The following TNNI3K variants were observed in gnomAD, a reference collection of about 807,000 sequenced individuals.
The protein encoded by TNNI3K is serine/threonine-protein kinase TNNI3K.
Under a neutral mutation model 114.5 loss-of-function variants are expected in TNNI3K, and 140 were observed. The ratio of observed to expected loss-of-function variants is 1.22; its 90% CI spans 1.07 to 1.41. TNNI3K has a LOEUF of 1.41. Among genes scored for constraint, TNNI3K ranks in the 40% most tolerant of loss-of-function variants. TNNI3K has a pLI of 0.00. For synonymous variants in TNNI3K, 347 were observed against 347.5 expected, an observed-to-expected ratio of 1.00 and a Z score of 0.02; for missense variants, 1,125 against 1,007.6, an observed-to-expected ratio of 1.12 and a Z score of -1.58.
At chr1:74,303,412 G>A (rs184909294) in intron 5 of TNNI3K, among the ~76,000 whole-genome samples, 45 of 152,072 alleles carry the variant, frequency 3.0e-4, no homozygotes, top group Middle Eastern at 3.4e-3. Context: ...TGATCTGCCC[G>A]CCTTGGTCTC....
chr1:74,516,701 G>T (rs534011741), intron 23 of TNNI3K, among the ~76,000 whole-genome samples: 2 of 152,098 alleles, frequency 1.3e-5, no homozygotes, highest in Non-Finnish European at 1.5e-5. Flanking sequence ...GCTTGGTTGA[G>T]GATGGCTTGT....
intron 2 of TNNI3K, among the ~76,000 whole-genome samples, chr1:74,247,878 G>C (rs1341686215): frequency 6.6e-6 from 1 of 152,190 alleles, no homozygotes; most frequent in Non-Finnish European, 1.5e-5. Flanking sequence ...GGAGCCGCCT[G>C]CCAGTCCCAC....
At chr1:74,398,838 C>T (rs896280780) in intron 17 of TNNI3K, among the ~76,000 whole-genome samples, 2 of 151,962 alleles carry the variant, frequency 1.3e-5, no homozygotes, top group Non-Finnish European at 2.9e-5. Flanking sequence ...GAATCAAACT[C>T]TCAAAAAGCA....
intron 17 of TNNI3K, among the ~76,000 whole-genome samples, chr1:74,405,772 G>A (rs1210459397): frequency 6.6e-6 from 1 of 152,180 alleles, no homozygotes; most frequent in Non-Finnish European, 1.5e-5. Flanking sequence ...ACAGCTTTTA[G>A]TGATGTTAGA....
At chr1:74,299,936 T>C (rs1203129805) in intron 5 of TNNI3K, among the ~76,000 whole-genome samples, 1 of 152,198 alleles carries the variant, frequency 6.6e-6, no homozygotes, top group Non-Finnish European at 1.5e-5. Flanking sequence ...CTGTTAAAGA[T>C]GTACTAAATG....
intron 20 of TNNI3K, among the ~76,000 whole-genome samples, chr1:74,444,740 A>T (rs1297491931): frequency 2.6e-5 from 4 of 152,014 alleles, no homozygotes; most frequent in Non-Finnish European, 4.4e-5. Flanking sequence ...TAAGCAAAAA[A>T]AATAAAGCTG....
intron 19 of TNNI3K, among the ~76,000 whole-genome samples, 160 bp downstream of exon 19, chr1:74,436,686 T>TA (rs1321977884): frequency 6.6e-6 from 1 of 152,028 alleles, no homozygotes; most frequent in Non-Finnish European, 1.5e-5. Flanking sequence ...GCTGTCAAAA[T>TA]AACTATCTCA....
chr1:74,338,096 A>G (rs918303146), intron 7 of TNNI3K, among the ~76,000 whole-genome samples: 9 of 152,068 alleles, frequency 5.9e-5, no homozygotes, highest in Non-Finnish European at 8.8e-5. Context: ...TGATAAATCG[A>G]AAGGTAATAA....
At chr1:74,399,732 C>T (rs1425063304) in intron 17 of TNNI3K, among the ~76,000 whole-genome samples, 3 of 152,162 alleles carry the variant, frequency 2.0e-5, no homozygotes, top group East Asian at 1.9e-4. Flanking sequence ...TGGGCAGGCT[C>T]TGTTATTGGG....
At chr1:74,287,442 A>C (rs1363177331) in intron 5 of TNNI3K, among the ~76,000 whole-genome samples, 1 of 152,192 alleles carries the variant, frequency 6.6e-6, no homozygotes, top group East Asian at 1.9e-4. Context: ...AAGACAGAGA[A>C]AGAATTTTGA....
intron 23 of TNNI3K, among the ~76,000 whole-genome samples, chr1:74,535,033 T>TAA (rs11456048): frequency 6.6e-6 from 1 of 151,604 alleles, no homozygotes; most frequent in Admixed American, 6.6e-5. Flanking sequence ...GGCATGTATG[T>TAA]AAAAATCAGG....
intron 17 of TNNI3K, among the ~76,000 whole-genome samples, chr1:74,423,741 C>T (rs1395745880): frequency 2.0e-5 from 3 of 152,084 alleles, no homozygotes; most frequent in Non-Finnish European, 2.9e-5. Flanking sequence ...ATAAGATTTT[C>T]TAAGCACTAT....
At chr1:74,241,187 G>C (rs553878742) in intron 2 of TNNI3K, among the ~76,000 whole-genome samples, 3 of 152,286 alleles carry the variant, frequency 2.0e-5, no homozygotes, top group African/African-American at 7.2e-5. Flanking sequence ...GGACATTTGG[G>C]TTGGTGCTTA....
At chr1:74,504,976 A>T (rs959076496) in intron 23 of TNNI3K, among the ~76,000 whole-genome samples, 15 of 152,188 alleles carry the variant, frequency 9.9e-5, no homozygotes, top group South Asian at 4.1e-4. Context: ...ATGGTGACAG[A>T]TTTCTCAGTT....
intron 21 of TNNI3K, chr1:74,483,164 T>C (rs1668587369): frequency 1.5e-6 from 1 of 658,144 alleles, no homozygotes. Context: ...GGTTACCTCT[T>C]AAGCTGAGCC....
At chr1:74,280,441 G>A (rs1279413777) in intron 5 of TNNI3K, among the ~76,000 whole-genome samples, 4 of 152,024 alleles carry the variant, frequency 2.6e-5, no homozygotes, top group Non-Finnish European at 5.9e-5. Flanking sequence ...GGGAAAGACA[G>A]TCCTGCATTA....
At chr1:74,439,453 CT>C in intron 19 of TNNI3K, 36 bp from the exon 20 acceptor site, 2 of 1,600,622 alleles carry the variant, frequency 1.2e-6, no homozygotes, top group Non-Finnish European at 1.7e-6. Flanking sequence ...GAACCAAACA[CT>C]TGGTAAATGG....
At chr1:74,321,941 C>T (rs1020025613) in intron 5 of TNNI3K, among the ~76,000 whole-genome samples, 6 of 151,740 alleles carry the variant, frequency 4.0e-5, no homozygotes, top group Non-Finnish European at 8.8e-5. Context: ...TCTCAGCTAA[C>T]GTTTGTAATG....
In TNNI3K at chr1:74,410,790, A is replaced by G. The variant is rs149365304; in HGVS notation, c.1773-25290A>G. Among the ~76,000 whole-genome samples, 723 of 152,292 alleles carry G rather than the reference A, an allele frequency of 4.7e-3. 4 individuals are homozygous for G. Among genetic ancestry groups the G allele is most frequent in the African/African-American group, 0.016 (669 of 41,584 alleles). On this transcript the variant is annotated intron_variant, in intron 17 of 24. Transcript: ENST00000326637. ...AGATGTATTCTTTGAAAGCCTAACT[A>G]TGCTCTTATGGTGCTCTCAAAATCA... is the stretch of plus-strand genomic sequence containing the variant.
Sources: allele counts gnomAD v4.1 joint callset (sites outside exome capture counted in the v4.1 genomes callset), GRCh38; gene constraint gnomAD v4.1.1; transcripts MANE v1.5; gene names NCBI Gene and HGNC (gene_info 2026-07-23, HGNC 2026-07-21).